ZCCHC10: variants seen among roughly 807,000 people sequenced by gnomAD.
The protein encoded by ZCCHC10 is zinc finger CCHC-type containing 10.
In ZCCHC10, 16 loss-of-function variants were observed where a neutral mutation model predicts 19.5. The ratio of observed to expected loss-of-function variants is 0.82; its 90% CI spans 0.56 to 1.25. ZCCHC10 has a LOEUF of 1.25. ZCCHC10 is among the 50% of genes most tolerant of loss of function. The probability of loss-of-function intolerance (pLI) is 0.00; values close to 1 mark genes in which losing one functional copy is unlikely to be tolerated. For synonymous variants in ZCCHC10, 67 were observed against 72.5 expected, an observed-to-expected ratio of 0.92 and a Z score of 0.38; for missense variants, 197 against 201.0, an observed-to-expected ratio of 0.98 and a Z score of 0.12.
intron 3 of ZCCHC10, among the ~76,000 whole-genome samples, chr5:133,002,607 A>G (rs1368947929): frequency 1.3e-5 from 2 of 152,190 alleles, no homozygotes; most frequent in African/African-American, 4.8e-5. Context: ...TCATACTTGC[A>G]ATTCTAAGTT....
chr5:133,015,987 TTTAGTCTGAGGCTCAAA>T (rs1246776412), intron 2 of ZCCHC10, among the ~76,000 whole-genome samples: 1 of 152,222 alleles, frequency 6.6e-6, no homozygotes, highest in Admixed American at 6.5e-5. Flanking sequence ...ATCACCATCT[TTTAGTCTGAGGCTCAAA>T]TTGTCACAGT....
At chr5:133,025,485 C>T (rs576428824) in intron 1 of ZCCHC10, among the ~76,000 whole-genome samples, 2 of 109,176 alleles carry the variant, frequency 1.8e-5, no homozygotes, top group South Asian at 6.2e-4. Context: ...GCCTGGGAGA[C>T]AGAGCAAGAC....
At position 133,006,863 on chromosome 5, in the gene ZCCHC10, A is replaced by C. The variant is rs777141153; in HGVS notation, c.165T>G (p.Thr55=). 1.9e-6 allele frequency: 3 copies of C among 1,613,112 alleles called. No individual in the cohort carries two copies. Residue 55 remains threonine, a synonymous_variant, in exon 3 of 5, where the codon ACT becomes ACG. Transcript: ENST00000509437. ...CQKCLEFGHW[T]YECTGKRKYL... The stretch of plus-strand genomic sequence containing the variant: ...ATTTTCTTTTTCCTGTGCATTCATA[A>C]GTCCAATGTCCAAATTCCAAGCATT...
chr5:133,007,461 T>C (rs1763195580), intron 2 of ZCCHC10, among the ~76,000 whole-genome samples: 1 of 151,366 alleles, frequency 6.6e-6, no homozygotes, highest in South Asian at 2.1e-4. Context: ...GAGAATGGTA[T>C]GAACCCGGGA....
At position 133,000,132 on chromosome 5, in the gene ZCCHC10, CT is replaced by C. The variant is rs1407208689; in HGVS notation, c.310del (p.Arg104GlyfsTer5). On this transcript the variant is annotated frameshift_variant and splice_region_variant, in exon 4 of 5. Transcript: ENST00000509437. LOFTEE classifies it high-confidence loss of function. ...TNVERKAKKK[R>X]SKSVTSSSSS... Reference sequence around the variant, plus strand: ...AAAACACTGCTAAAACCACACATACCTTTTTTTCTTGGCCTTTCTTTCTACA... The same window carrying C: ...AAAACACTGCTAAAACCACACATACCTTTTTTCTTGGCCTTTCTTTCTACA... 10 of 1,613,488 alleles carry C rather than the reference CT, an allele frequency of 6.2e-6. No individual in the cohort carries two copies. In the South Asian group the frequency reaches 1.1e-4, roughly 18 times the overall value.
chr5:133,013,998 T>A (rs774549428), intron 2 of ZCCHC10, among the ~76,000 whole-genome samples: 1 of 152,110 alleles, frequency 6.6e-6, no homozygotes, highest in Non-Finnish European at 1.5e-5. Context: ...CTAACTCTGT[T>A]TCAAATAATT....
At chr5:133,019,096 G>C (rs1486723351) in intron 2 of ZCCHC10, 1 of 451,276 alleles carries the variant, frequency 2.2e-6, no homozygotes, top group African/African-American at 2.0e-5. Flanking sequence ...TAAAGCTCAG[G>C]TATGAGGCTG....
At chr5:133,002,863 G>A (rs953665662) in intron 3 of ZCCHC10, among the ~76,000 whole-genome samples, 1 of 151,926 alleles carries the variant, frequency 6.6e-6, no homozygotes, top group Non-Finnish European at 1.5e-5. Context: ...GGGATTACAG[G>A]TGCCCGCCAC....
intron 1 of ZCCHC10, among the ~76,000 whole-genome samples, chr5:133,024,771 C>T (rs1764557107): frequency 6.6e-6 from 1 of 152,024 alleles, no homozygotes; most frequent in African/African-American, 2.4e-5. Context: ...GGCATGGTGG[C>T]GGACGCCTGT....
intron 3 of ZCCHC10, among the ~76,000 whole-genome samples, chr5:133,006,392 T>C (rs1763122764): frequency 6.6e-6 from 1 of 152,152 alleles, no homozygotes; most frequent in South Asian, 2.1e-4. Context: ...TCATTGACAG[T>C]TGAGGCAAAA....
At chr5:133,004,987 A>C (rs1449765633) in intron 3 of ZCCHC10, among the ~76,000 whole-genome samples, 1 of 152,004 alleles carries the variant, frequency 6.6e-6, no homozygotes, top group African/African-American at 2.4e-5. Context: ...AATTTTGTTG[A>C]GGGAAAAACC....
intron 3 of ZCCHC10, among the ~76,000 whole-genome samples, chr5:133,005,006 G>GA (rs1355249328): frequency 6.6e-6 from 1 of 151,700 alleles, no homozygotes; most frequent in African/African-American, 2.4e-5. Flanking sequence ...CCTTAAAAAA[G>GA]AATTTACTCT....
At chr5:133,019,521 T>C (rs1356454891) in intron 2 of ZCCHC10, among the ~76,000 whole-genome samples, 2 of 152,214 alleles carry the variant, frequency 1.3e-5, no homozygotes, top group African/African-American at 2.4e-5. Context: ...ACTTGCCATA[T>C]TGGCAAAGTT....
chr5:133,018,764 T>TA (rs1232844765), intron 2 of ZCCHC10, among the ~76,000 whole-genome samples: 6 of 152,166 alleles, frequency 3.9e-5, no homozygotes, highest in Non-Finnish European at 4.4e-5. Flanking sequence ...TCCTATGACT[T>TA]AAAGATTTGA....
intron 3 of ZCCHC10, among the ~76,000 whole-genome samples, chr5:133,002,732 T>TA: frequency 6.6e-6 from 1 of 152,122 alleles, no homozygotes; most frequent in East Asian, 1.9e-4. Context: ...ACTTTTTCTT[T>TA]TTTTTGAGGT....
intron 2 of ZCCHC10, among the ~76,000 whole-genome samples, chr5:133,017,987 T>C (rs1452883465): frequency 6.6e-6 from 1 of 151,860 alleles, no homozygotes; most frequent in East Asian, 1.9e-4. Flanking sequence ...CTACTAAAAA[T>C]ACAAAAAATT....
chr5:133,006,669 C>G (rs4705985), intron 3 of ZCCHC10, 90 bp downstream of exon 3: 47,516 of 1,248,838 alleles, frequency 0.038, 1,116 homozygotes, highest in Non-Finnish European at 0.044. Flanking sequence ...TAATTAAAAT[C>G]TGGAGAACCA....
intron 2 of ZCCHC10, among the ~76,000 whole-genome samples, chr5:133,011,909 C>A (rs1218995447): frequency 6.6e-6 from 1 of 151,948 alleles, no homozygotes; most frequent in East Asian, 1.9e-4. Context: ...GTAGGCAGAT[C>A]ATTTGAGGTC....
intron 2 of ZCCHC10, among the ~76,000 whole-genome samples, chr5:133,020,939 C>T (rs1199934336): frequency 6.6e-6 from 1 of 151,960 alleles, no homozygotes; most frequent in Non-Finnish European, 1.5e-5. Context: ...CTCTGTCGCC[C>T]AGGCTGGAGT....
Sources: gnomAD v4.1 joint callset for allele counts (sites outside exome capture counted in the v4.1 genomes callset) on GRCh38, gnomAD v4.1.1 for gene constraint, MANE v1.5 for transcripts, NCBI Gene and HGNC (gene_info 2026-07-23, HGNC 2026-07-21) for gene names.